The following TMEM255B variants were observed in gnomAD, a reference collection of about 807,000 sequenced individuals.
TMEM255B encodes the protein family with sequence similarity 70, member B.
TMEM255B carries 35 observed loss-of-function variants against 34.5 expected under a neutral mutation model. That is an observed-to-expected ratio of 1.01 (90% confidence interval 0.77 to 1.34). The LOEUF (loss-of-function observed/expected upper bound fraction) is 1.34. TMEM255B is among the 40% of genes most tolerant of loss of function. TMEM255B has a pLI of 0.00. For synonymous variants in TMEM255B, 206 were observed against 201.2 expected (o/e 1.02, Z -0.20); for missense variants, 432 against 433.2 (o/e 1.00, Z 0.02).
intron 1 of TMEM255B, among the ~76,000 whole-genome samples, chr13:113,764,847 C>T (rs1262480226): frequency 6.6e-6 from 1 of 152,140 alleles, no homozygotes; most frequent in Admixed American, 6.5e-5. Flanking sequence ...GGTACAAAGG[C>T]CCTGTGGATG....
In TMEM255B at chr13:113,769,606, G is replaced by T. The variant is rs374383531; in HGVS notation, c.252+446G>T. 1 of 172,832 alleles carries T rather than the reference G, an allele frequency of 5.8e-6. No homozygotes were observed. The highest frequency in any genetic ancestry group is 1.3e-5 in the Non-Finnish European group (1 of 78,358). 10.7% of individuals were successfully genotyped at this position (172,832 alleles called of 1,614,324 possible). ...TATCTTGCCCAGACTAAGAGGAGAG[G>T]TAAAGACATAAAACCAGGAGGGAGC... On this transcript the variant is annotated intron_variant, in intron 3 of 8. Transcript: ENST00000375353. The surrounding 1 kb of genome is among the most constrained non-coding windows in gnomAD (Gnocchi z 4.2).
chr13:113,769,381 G>A lies in TMEM255B; in HGVS notation c.252+221G>A, dbSNP rs1326857691. On this transcript the variant is annotated intron_variant, in intron 3 of 8. Transcript: ENST00000375353. The surrounding 1 kb of genome is among the most constrained non-coding windows in gnomAD (Gnocchi z 4.2). ...AAGCGAGCATGGCCCTGGGTTGCTG[G>A]TGTATCAACCTCACGTGGTGTGCAA... Among the ~76,000 whole-genome samples the A allele has an allele frequency of 2.0e-5, 3 of 152,308 alleles. 1 individual carries two copies. In the South Asian group the frequency reaches 6.2e-4, roughly 32 times the overall value.
intron 3 of TMEM255B, among the ~76,000 whole-genome samples, chr13:113,792,656 T>C (rs7492194): frequency 0.45 from 68,608 of 152,180 alleles, 16,557 homozygotes; most frequent in East Asian, 0.72. Context: ...TCCAGCACAC[T>C]GGGCAGCTAC....
chr13:113,780,567 G>T (rs979123586), intron 3 of TMEM255B, among the ~76,000 whole-genome samples: 5 of 152,186 alleles, frequency 3.3e-5, no homozygotes, highest in African/African-American at 4.8e-5. Context: ...ATGTCAAAAT[G>T]ATCACTCCAG....
At chr13:113,774,556 A>G (rs1374599102) in intron 3 of TMEM255B, among the ~76,000 whole-genome samples, 2 of 145,644 alleles carry the variant, frequency 1.4e-5, no homozygotes, top group Non-Finnish European at 3.0e-5. Flanking sequence ...CACACACCAC[A>G]CACACACAAC....
Position 113,811,912 on chromosome 13 carries a change from T to G in TMEM255B, c.*9T>G. 6.4e-7 allele frequency: 1 copy of G among 1,568,808 alleles called. No homozygotes were observed. The highest frequency in any genetic ancestry group is 1.2e-5 in the South Asian group (1 of 84,952). ...CCCCCTACGCACCCTGATAGAGGCGTGGAGTAAAAGATAACTTGTTTGTTT... is the reference window on the plus strand; with the variant it reads ...CCCCCTACGCACCCTGATAGAGGCGGGGAGTAAAAGATAACTTGTTTGTTT... On this transcript the variant is annotated 3_prime_UTR_variant, in exon 9 of 9. Coordinates refer to ENST00000375353, the MANE Select transcript of TMEM255B (RefSeq NM_182614.4).
Position 113,815,663 on chromosome 13 carries a change from TTC to T in TMEM255B, c.*3762_*3763del, listed in dbSNP as rs2051393420. ...AAGTGCCTTTTGCCTCCCACCGTGA[TTC>T]TGAGGCCTCCCCAACCATGTGCAAT... is the stretch of plus-strand genomic sequence containing the variant. On this transcript the variant is annotated 3_prime_UTR_variant, in exon 9 of 9. Transcript: ENST00000375353. 6.5e-6 allele frequency: 1 copy of T among 153,434 alleles called. No individual in the cohort carries two copies. The highest frequency in any genetic ancestry group is 2.4e-5 in the African/African-American group (1 of 41,598). The allele number at this position is 153,434 out of a possible 1,614,324, so 9.5% of individuals were successfully genotyped here.
rs993875023 is a variant in TMEM255B, at chr13:113,813,780, T to C, written c.*1877T>C. The C allele has an allele frequency of 6.6e-6, 1 of 152,206 alleles. No homozygotes were observed. Among genetic ancestry groups the C allele is most frequent in the African/African-American group, 2.4e-5 (1 of 41,446 alleles). 9.4% of individuals were successfully genotyped at this position (152,206 alleles called of 1,614,324 possible). ...GCCACTGCTTGTCATTTTTATCTTA[T>C]AAAATCCAGCCTCACAAGCTTGCTG... On this transcript the variant is annotated 3_prime_UTR_variant, in exon 9 of 9. Coordinates refer to ENST00000375353, the MANE Select transcript of TMEM255B (RefSeq NM_182614.4).
chr13:113,780,292 G>C (rs2050646725), intron 3 of TMEM255B, among the ~76,000 whole-genome samples: 1 of 152,114 alleles, frequency 6.6e-6, no homozygotes, highest in African/African-American at 2.4e-5. Context: ...CCAAAGTCTT[G>C]GTAAAATAAC....
intron 2 of TMEM255B, chr13:113,768,339 G>A (rs1018141743): frequency 2.3e-6 from 1 of 440,350 alleles, no homozygotes; most frequent in African/African-American, 2.0e-5. Flanking sequence ...TCACCTGCCA[G>A]GACGGGCCCT....
At chr13:113,774,531 A>G (rs2050527650) in intron 3 of TMEM255B, among the ~76,000 whole-genome samples, 2 of 151,274 alleles carry the variant, frequency 1.3e-5, no homozygotes, top group South Asian at 2.1e-4. Context: ...CACACAGTAC[A>G]AAACACATGC....
chr13:113,772,869 C>T (rs1040529723), intron 3 of TMEM255B, among the ~76,000 whole-genome samples: 14 of 152,206 alleles, frequency 9.2e-5, no homozygotes, highest in African/African-American at 1.7e-4. Flanking sequence ...TTCAGGATTA[C>T]GTTGGCAATT....
chr13:113,799,906 T>C, intron 5 of TMEM255B: 3 of 1,230,496 alleles, frequency 2.4e-6, no homozygotes, highest in Non-Finnish European at 3.3e-6. Context: ...CGGCGCTCTC[T>C]GTGTGTCTCG....
At position 113,768,975 on chromosome 13, in the gene TMEM255B, G is replaced by A. The variant is rs764508755; in HGVS notation, c.190-123G>A. 7 of 1,034,950 alleles carry A rather than the reference G, an allele frequency of 6.8e-6. No homozygotes were observed. In the South Asian group the frequency reaches 9.4e-5, roughly 14 times the overall value. The allele number at this position is 1,034,950 out of a possible 1,614,324, so 64.1% of individuals were successfully genotyped here. A position where few individuals can be genotyped will look rare whatever the true frequency, so the allele number is the denominator to read the frequency against. Reference sequence around the variant, plus strand: ...CAGTGGTTGAGGTTCTTGAGGTAGGGATGTCTGGCCTTCGTCCCTGGATAA... The same window carrying A: ...CAGTGGTTGAGGTTCTTGAGGTAGGAATGTCTGGCCTTCGTCCCTGGATAA... On this transcript the variant is annotated intron_variant, in intron 2 of 8. Transcript: ENST00000375353.
intron 5 of TMEM255B, among the ~76,000 whole-genome samples, chr13:113,800,582 C>G (rs1041152761): frequency 3.3e-5 from 5 of 152,154 alleles, no homozygotes; most frequent in African/African-American, 4.8e-5. Flanking sequence ...AGCAAGGCCT[C>G]TCCTCTGAGC....
rs540512600 is a variant in TMEM255B, at chr13:113,789,537, G to A, written c.253-5611G>A. On this transcript the variant is annotated intron_variant, in intron 3 of 8. Coordinates refer to ENST00000375353, the MANE Select transcript of TMEM255B (RefSeq NM_182614.4). ...TGGGCTGTTCCCTGAGGCAGCTCTC[G>A]TGAGGCTGGTTCTGGCAATGACTTT... Among the ~76,000 whole-genome samples, 7 of 152,242 alleles carry A rather than the reference G, an allele frequency of 4.6e-5. 1 individual carries two copies. Among genetic ancestry groups the A allele is most frequent in the South Asian group, 4.1e-4 (2 of 4,836 alleles).
intron 3 of TMEM255B, among the ~76,000 whole-genome samples, chr13:113,787,358 C>A (rs970207071): frequency 1.3e-5 from 2 of 152,198 alleles, no homozygotes; most frequent in Non-Finnish European, 2.9e-5. Flanking sequence ...AGTTTTTAAA[C>A]GTTCTAAGAA....
intron 5 of TMEM255B, chr13:113,799,964 T>C: frequency 1.6e-6 from 2 of 1,282,680 alleles, no homozygotes; most frequent in East Asian, 5.6e-5. Context: ...CAGCCTCTCA[T>C]CCTCAGCACG....
intron 8 of TMEM255B, among the ~76,000 whole-genome samples, chr13:113,807,670 G>A (rs1431173050): frequency 4.4e-5 from 6 of 134,868 alleles, no homozygotes; most frequent in African/African-American, 1.2e-4. Flanking sequence ...TGTGGGGGGC[G>A]GTCCTCCCCG....
Sources: allele counts gnomAD v4.1 joint callset (sites outside exome capture counted in the v4.1 genomes callset), GRCh38; gene constraint gnomAD v4.1.1; non-coding constraint Gnocchi (gnomAD v3.1); transcripts MANE v1.5; gene names NCBI Gene and HGNC (gene_info 2026-07-23, HGNC 2026-07-21).